Variants in NRG1 observed in about 807,000 individuals in gnomAD.
NRG1 encodes neuregulin 1, also known as pro-neuregulin-1, membrane-bound isoform.
A neutral mutation model predicts 63.8 loss-of-function variants in NRG1; 18 were observed. The observed-to-expected ratio is 0.28, with a 90% CI of 0.19 to 0.42. NRG1 has a LOEUF of 0.42. NRG1 is among the 10% of genes least tolerant of loss of function. The pLI is 1.00. For synonymous variants in NRG1, 302 were observed against 301.3 expected (o/e 1.00, Z -0.02); for missense variants, 762 against 814.7 (o/e 0.94, Z 0.79).
Position 32,748,358 on chromosome 8 carries a change from C to CACAGAGAGAGAGAGAG in NRG1, c.691+5626_691+5627insCAGAGAGAGAGAGAGA, listed in dbSNP as rs748763782. 4.2e-3 allele frequency among the ~76,000 whole-genome samples: 511 copies of CACAGAGAGAGAGAGAG among 121,964 alleles called. 6 individuals are homozygous for CACAGAGAGAGAGAGAG. Among genetic ancestry groups the CACAGAGAGAGAGAGAG allele is most frequent in the South Asian group, 5.9e-3 (19 of 3,238 alleles). 80.0% of individuals were successfully genotyped at this position (121,964 alleles called of 152,430 possible). A position where few individuals can be genotyped will look rare whatever the true frequency, so the allele number is the denominator to read the frequency against. ...GCGCGCGCACACACACACACACACA[C>CACAGAGAGAGAGAGAG]AGAGAGAGAGAGAGAGAGAGAGAGA... On this transcript the variant is annotated intron_variant, in intron 7 of 11. Coordinates refer to ENST00000356819, the Ensembl canonical transcript of NRG1.
At chr8:31,712,490 G>C (rs1349201754) in intron 1 of NRG1, among the ~76,000 whole-genome samples, 1 of 151,850 alleles carries the variant, frequency 6.6e-6, no homozygotes, top group Non-Finnish European at 1.5e-5. Flanking sequence ...TGATGGTCTC[G>C]ATCTCCTGAC....
chr8:31,683,001 G>A (rs746911711), intron 1 of NRG1, among the ~76,000 whole-genome samples: 1 of 152,102 alleles, frequency 6.6e-6, no homozygotes, highest in East Asian at 1.9e-4. Flanking sequence ...GATTGGAAAA[G>A]GAACATTTTG....
At position 32,249,235 on chromosome 8, in the gene NRG1, T is replaced by C. The variant is rs1848863611; in HGVS notation, c.38-346593T>C. 3.9e-5 allele frequency among the ~76,000 whole-genome samples: 6 copies of C among 152,220 alleles called. No individual in the cohort carries two copies. In the South Asian group the frequency reaches 1.2e-3, roughly 32 times the overall value. ...CTAAGGTTGCAACTTCCATAGTAGCTGAAATTGTAGGTGCATGCCACCGTA... is the reference window on the plus strand; with the variant it reads ...CTAAGGTTGCAACTTCCATAGTAGCCGAAATTGTAGGTGCATGCCACCGTA... On this transcript the variant is annotated intron_variant, in intron 1 of 10. Transcript: ENST00000519301.
intron 7 of NRG1, among the ~76,000 whole-genome samples, chr8:32,753,370 C>T (rs886145652): frequency 2.6e-5 from 4 of 152,194 alleles, no homozygotes; most frequent in Non-Finnish European, 1.5e-5. Context: ...GAAACTAACT[C>T]GCAAATAGAA....
chr8:31,968,831 G>T (rs926328040), intron 1 of NRG1, among the ~76,000 whole-genome samples: 1 of 152,136 alleles, frequency 6.6e-6, no homozygotes, highest in East Asian at 1.9e-4. Context: ...CAATTGACAC[G>T]ATAAGAGAAG....
intron 1 of NRG1, among the ~76,000 whole-genome samples, chr8:32,328,129 G>A (rs1802223626): frequency 2.0e-5 from 3 of 152,122 alleles, no homozygotes; most frequent in Admixed American, 2.0e-4. Context: ...GCAAATTGTT[G>A]TCCCTTTGGG....
At chr8:32,588,890 C>G (rs1842067088) in intron 1 of NRG1, among the ~76,000 whole-genome samples, 1 of 152,172 alleles carries the variant, frequency 6.6e-6, no homozygotes, top group Admixed American at 6.5e-5. Flanking sequence ...ATAGCAGCTC[C>G]ATTCCAGCTC....
intron 1 of NRG1, among the ~76,000 whole-genome samples, chr8:31,799,417 T>A (rs752206790): frequency 2.3e-4 from 35 of 152,094 alleles, no homozygotes; most frequent in Non-Finnish European, 4.1e-4. Flanking sequence ...TTTCAGAAAG[T>A]TAAAATAAAT....
At chr8:32,197,293 C>T (rs1843058355) in intron 1 of NRG1, among the ~76,000 whole-genome samples, 2 of 152,074 alleles carry the variant, frequency 1.3e-5, no homozygotes, top group African/African-American at 4.8e-5. Context: ...GGAAGAACAT[C>T]ACAGCCTTCT....
intron 1 of NRG1, among the ~76,000 whole-genome samples, chr8:32,102,570 C>A (rs1830711861): frequency 6.6e-6 from 1 of 152,154 alleles, no homozygotes; most frequent in African/African-American, 2.4e-5. Flanking sequence ...TAAATGATTA[C>A]AAATTGTGCC....
intron 1 of NRG1, among the ~76,000 whole-genome samples, chr8:32,173,547 G>A (rs1370010676): frequency 6.6e-6 from 1 of 152,052 alleles, no homozygotes; most frequent in Non-Finnish European, 1.5e-5. Context: ...CAGACTGGCA[G>A]ATTGGATAAA....
intron 1 of NRG1, among the ~76,000 whole-genome samples, chr8:32,390,455 A>G (rs1167829241): frequency 6.6e-6 from 1 of 151,788 alleles, no homozygotes; most frequent in Non-Finnish European, 1.5e-5. Flanking sequence ...GAGCACCTGT[A>G]GTCCAGGCAT....
intron 1 of NRG1, among the ~76,000 whole-genome samples, chr8:31,765,666 C>T (rs947832049): frequency 2.6e-5 from 4 of 152,122 alleles, no homozygotes; most frequent in Non-Finnish European, 4.4e-5. Flanking sequence ...CCTCTGTATG[C>T]TTTGCCAGAA....
At chr8:32,498,607 G>A (rs1029602814) in intron 1 of NRG1, among the ~76,000 whole-genome samples, 4 of 150,262 alleles carry the variant, frequency 2.7e-5, no homozygotes, top group East Asian at 2.0e-4. Flanking sequence ...AATTACCTCC[G>A]ACCAGGTCCC....
chr8:32,367,247 T>C (rs2129482453), intron 1 of NRG1, among the ~76,000 whole-genome samples: 1 of 152,360 alleles, frequency 6.6e-6, no homozygotes, highest in South Asian at 2.1e-4. Context: ...TAATTTACAT[T>C]ACCACCAGCA....
At chr8:32,646,050 A>T (rs1266738278) in intron 5 of NRG1, among the ~76,000 whole-genome samples, 1 of 152,224 alleles carries the variant, frequency 6.6e-6, no homozygotes, top group Non-Finnish European at 1.5e-5. Context: ...AAACCTCTGC[A>T]GTGTGGAGTC....
At chr8:32,443,205 G>A (rs554151977) in intron 1 of NRG1, among the ~76,000 whole-genome samples, 19 of 152,192 alleles carry the variant, frequency 1.2e-4, no homozygotes, top group Non-Finnish European at 2.5e-4. Flanking sequence ...GCTTCCCAAA[G>A]TGCTGGCATT....
At chr8:32,023,484 A>C (rs1355860519) in intron 1 of NRG1, among the ~76,000 whole-genome samples, 1 of 152,236 alleles carries the variant, frequency 6.6e-6, no homozygotes, top group Non-Finnish European at 1.5e-5. Flanking sequence ...CATCTGTTCC[A>C]CTTGCAGCTG....
At chr8:32,115,101 G>A (rs1832543453) in intron 1 of NRG1, among the ~76,000 whole-genome samples, 1 of 151,588 alleles carries the variant, frequency 6.6e-6, no homozygotes, top group Non-Finnish European at 1.5e-5. Context: ...CATGATCTTC[G>A]CTCACTGCAA....
Sources: gnomAD v4.1 joint callset for allele counts (sites outside exome capture counted in the v4.1 genomes callset) on GRCh38, gnomAD v4.1.1 for gene constraint, MANE v1.5 for transcripts, NCBI Gene and HGNC (gene_info 2026-07-23, HGNC 2026-07-21) for gene names.